Variants in NEBL observed in about 807,000 individuals in gnomAD.
NEBL encodes the protein LIM and SH3 protein 2.
NEBL carries 122 observed loss-of-function variants against 140.2 expected under a neutral mutation model. The ratio of observed to expected loss-of-function variants is 0.87; its 90% CI spans 0.75 to 1.01. The LOEUF (loss-of-function observed/expected upper bound fraction) is 1.01, where lower values mean the gene tolerates loss of function less well. Among genes scored for constraint, NEBL ranks in the 50% least tolerant of loss-of-function variants. The pLI, the probability that NEBL is intolerant of heterozygous loss-of-function variation, is 0.00. For synonymous variants in NEBL, 436 were observed against 398.9 expected (o/e 1.09, Z -1.11); for missense variants, 1,365 against 1,231.3 (o/e 1.11, Z -1.62).
At chr10:21,156,845 T>C (rs1328334412) in intron 2 of NEBL, among the ~76,000 whole-genome samples, 1 of 152,218 alleles carries the variant, frequency 6.6e-6, no homozygotes, top group Non-Finnish European at 1.5e-5. Context: ...AATCTCTACA[T>C]TGAACTACAG....
intron 3 of NEBL, among the ~76,000 whole-genome samples, chr10:21,241,730 C>T (rs544449440): frequency 1.3e-5 from 2 of 152,228 alleles, no homozygotes; most frequent in African/African-American, 4.8e-5. Context: ...GGCCACCACC[C>T]GGGCATTTGA....
At chr10:20,955,443 T>C (rs1589071623) in intron 4 of NEBL, among the ~76,000 whole-genome samples, 1 of 152,096 alleles carries the variant, frequency 6.6e-6, no homozygotes, top group South Asian at 2.1e-4. Context: ...CATTTACAGA[T>C]AGTGTGAAAT....
intron 1 of NEBL, among the ~76,000 whole-genome samples, chr10:21,260,707 C>A (rs1842727482): frequency 6.6e-6 from 1 of 152,064 alleles, no homozygotes; most frequent in Non-Finnish European, 1.5e-5. Context: ...TCTTCTGCAC[C>A]CCGGTCAGCT....
chr10:20,928,077 A>G (rs1230122012), intron 4 of NEBL, among the ~76,000 whole-genome samples: 2 of 152,224 alleles, frequency 1.3e-5, no homozygotes, highest in African/African-American at 2.4e-5. Context: ...AAAATTATTA[A>G]TGGAATAGTT....
chr10:20,796,388 A>C (rs1415045100), intron 26 of NEBL, among the ~76,000 whole-genome samples: 10 of 149,796 alleles, frequency 6.7e-5, no homozygotes, highest in Non-Finnish European at 1.2e-4. Flanking sequence ...AAAAAAAAAA[A>C]AAAAAACTTC....
chr10:21,155,786 C>T (rs114581286), intron 2 of NEBL, among the ~76,000 whole-genome samples: 1,689 of 152,314 alleles, frequency 0.011, 25 homozygotes, highest in African/African-American at 0.036. Flanking sequence ...GTTGGAAAAG[C>T]ACTATCACAT....
chr10:21,273,152 G>A (rs1029371398), intron 1 of NEBL, among the ~76,000 whole-genome samples: 2 of 152,122 alleles, frequency 1.3e-5, no homozygotes, highest in African/African-American at 2.4e-5. Flanking sequence ...CTCGGAGGAG[G>A]TTAATAGAAG....
intron 10 of NEBL, among the ~76,000 whole-genome samples, chr10:20,851,138 A>G (rs983295052): frequency 3.3e-5 from 5 of 152,346 alleles, no homozygotes; most frequent in Admixed American, 2.6e-4. Context: ...TTATCTTCCA[A>G]TAACAAAAAA....
intron 2 of NEBL, among the ~76,000 whole-genome samples, chr10:21,089,149 T>C (rs1005169935): frequency 3.9e-5 from 6 of 151,988 alleles, no homozygotes; most frequent in African/African-American, 9.7e-5. Context: ...AGAGGACATT[T>C]GAGTTTTCTG....
chr10:21,210,841 T>C (rs1841903556), intron 3 of NEBL, among the ~76,000 whole-genome samples: 2 of 152,240 alleles, frequency 1.3e-5, no homozygotes, highest in African/African-American at 2.4e-5. Context: ...ATAATGCTTA[T>C]AAATGTACAC....
In NEBL at chr10:20,785,903, G is replaced by A. The variant is rs202184399; in HGVS notation, c.2889C>T (p.Tyr963=). 289 of 1,613,788 alleles carry A rather than the reference G, an allele frequency of 1.8e-4. No individual in the cohort carries two copies. The highest frequency in any genetic ancestry group is 3.0e-4 in the Admixed American group (18 of 59,976). Residue 963 remains tyrosine, a synonymous_variant, in exon 28 of 28, where the codon TAC becomes TAT. Transcript: ENST00000377122. ...SPNLRTYRAM[Y]DYSAQDEDEV... is the part of the protein sequence containing the mutation. ...CGTCTTCATCCTGGGCACTGTAATC[G>A]TACATGGCTCGGTAGGTCCTCTGAG...
At chr10:21,191,058 G>A (rs1326655908) in intron 3 of NEBL, among the ~76,000 whole-genome samples, 1 of 152,052 alleles carries the variant, frequency 6.6e-6, no homozygotes, top group Non-Finnish European at 1.5e-5. Context: ...TTTTATTGAT[G>A]GAGGAACCTT....
intron 2 of NEBL, among the ~76,000 whole-genome samples, chr10:21,104,688 CCTT>C (rs1424612684): frequency 6.6e-6 from 1 of 152,072 alleles, no homozygotes; most frequent in Non-Finnish European, 1.5e-5. Flanking sequence ...GTAGTTGTAT[CCTT>C]CTTTTCTAAT....
intron 2 of NEBL, among the ~76,000 whole-genome samples, chr10:21,091,441 A>G (rs1300441413): frequency 6.6e-6 from 1 of 152,216 alleles, no homozygotes; most frequent in African/African-American, 2.4e-5. Flanking sequence ...AATGAAAAAA[A>G]TGTATGAGAC....
intron 2 of NEBL, among the ~76,000 whole-genome samples, chr10:21,152,266 C>T (rs550944705): frequency 2.6e-5 from 4 of 152,240 alleles, no homozygotes; most frequent in Admixed American, 1.3e-4. Flanking sequence ...TGATCATCAA[C>T]GAATCTCATA....
In NEBL at chr10:21,078,816, A is replaced by G. The variant is rs575294717; in HGVS notation, c.165-58615T>C. Among the ~76,000 whole-genome samples, 8 of 152,352 alleles carry G rather than the reference A, an allele frequency of 5.3e-5. No individual in the cohort carries two copies. In the East Asian group the frequency reaches 1.2e-3, roughly 22 times the overall value. On this transcript the variant is annotated intron_variant, in intron 2 of 6. Transcript: ENST00000417816. Reference sequence around the variant, plus strand: ...GACAGAGATATTTGGGCAAAGCACTAGAAGTTGCAGTCTTAGTGTTTCAAC... The same window carrying G: ...GACAGAGATATTTGGGCAAAGCACTGGAAGTTGCAGTCTTAGTGTTTCAAC...
intron 14 of NEBL, among the ~76,000 whole-genome samples, chr10:20,833,221 G>T (rs1840582662): frequency 1.3e-5 from 2 of 152,176 alleles, no homozygotes; most frequent in African/African-American, 4.8e-5. Context: ...CCCTAATGCA[G>T]AAGTGTGTTT....
intron 2 of NEBL, among the ~76,000 whole-genome samples, chr10:21,028,745 G>A (rs556165614): frequency 5.7e-4 from 85 of 150,296 alleles, no homozygotes; most frequent in Admixed American, 7.9e-4. Context: ...AAATTTTTTA[G>A]AAGAACCAAA....
chr10:20,841,569 T>C (rs1841412878), intron 12 of NEBL: 1 of 152,196 alleles, frequency 6.6e-6, no homozygotes, highest in African/African-American at 2.4e-5. Context: ...GAATCATCCA[T>C]AGATAATGAA....
Sources: allele counts gnomAD v4.1 joint callset (sites outside exome capture counted in the v4.1 genomes callset), GRCh38; gene constraint gnomAD v4.1.1; transcripts MANE v1.5; gene names NCBI Gene and HGNC (gene_info 2026-07-23, HGNC 2026-07-21).